Variants in ZNF606 observed in about 807,000 individuals in gnomAD.
The protein encoded by ZNF606 is zinc finger protein 606.
In ZNF606, 37 loss-of-function variants were observed where a neutral mutation model predicts 74.9. That is an observed-to-expected ratio of 0.49 (90% CI 0.38 to 0.65). ZNF606 has a LOEUF of 0.65. Among genes scored for constraint, ZNF606 ranks in the 30% least tolerant of loss-of-function variants. The probability of loss-of-function intolerance (pLI) is 0.00; values close to 1 mark genes in which losing one functional copy is unlikely to be tolerated. For missense variants in ZNF606, 852 were observed against 952.9 expected (o/e 0.89, Z 1.39); for synonymous variants, 328 against 312.4 (o/e 1.05, Z -0.53).
chr19:57,991,632 T>C (rs1162940080), intron 4 of ZNF606, among the ~76,000 whole-genome samples: 2 of 152,132 alleles, frequency 1.3e-5, no homozygotes, highest in South Asian at 4.1e-4. Flanking sequence ...GTACAAAAAT[T>C]AGCTGGGCAT....
intron 6 of ZNF606, among the ~76,000 whole-genome samples, chr19:57,980,766 C>T (rs2123268377): frequency 6.8e-6 from 1 of 146,252 alleles, no homozygotes; most frequent in South Asian, 2.1e-4. Flanking sequence ...ACCCGGGAGG[C>T]AGAGCTTGCA....
chr19:57,998,268 C>A (rs550821820), intron 4 of ZNF606: 5 of 151,950 alleles, frequency 3.3e-5, no homozygotes, highest in African/African-American at 1.2e-4. Context: ...AATACAGAGA[C>A]AACTCTAAAA....
rs2073029893 is a variant in ZNF606, at chr19:57,978,831, T to C, written c.1849A>G (p.Ile617Val). ...ERSALTKHEI[I>V]HSGIKPYECN... ...TCATAGGGCTTAATTCCAGAATGAA[T>C]TATCTCATGTTTAGTGAGGGCTGAG... Residue 617 changes from isoleucine (I) to valine (V), a missense_variant, in exon 7 of 7, where the codon ATT becomes GTT. Transcript: ENST00000551380. The surrounding 1 kb of genome is among the most constrained non-coding windows in gnomAD (Gnocchi z 4.4). The C allele has an allele frequency of 6.2e-7, 1 of 1,614,084 alleles. No individual in the cohort carries two copies. Among genetic ancestry groups the C allele is most frequent in the Non-Finnish European group, 8.5e-7 (1 of 1,180,046 alleles).
chr19:57,978,219 A>G lies in ZNF606; in HGVS notation c.*82T>C, dbSNP rs931620067. 1.4e-6 allele frequency: 2 copies of G among 1,380,398 alleles called. No individual in the cohort carries two copies. The highest frequency in any genetic ancestry group is 2.4e-5 in the East Asian group (1 of 41,938). 85.5% of individuals were successfully genotyped at this position (1,380,398 alleles called of 1,614,324 possible). ...AGAAGTCTTACTGAACTCTTAATGA[A>G]AAATGTCCCCTCTTGATTATGTTTA... On this transcript the variant is annotated 3_prime_UTR_variant, in exon 7 of 7. Coordinates refer to ENST00000551380, the MANE Select transcript of ZNF606 (RefSeq NM_001348022.3). This position sits in a 1 kb window ranked among gnomAD's most constrained non-coding sequence, Gnocchi z 4.4.
intron 4 of ZNF606, among the ~76,000 whole-genome samples, chr19:57,995,422 C>G (rs752877678): frequency 2.0e-5 from 3 of 151,848 alleles, no homozygotes; most frequent in South Asian, 4.1e-4. Flanking sequence ...CACTCGGCAG[C>G]GCAAAAGGAA....
chr19:57,985,622 T>C (rs2073151952), intron 6 of ZNF606, among the ~76,000 whole-genome samples: 1 of 152,082 alleles, frequency 6.6e-6, no homozygotes, highest in South Asian at 2.1e-4. Flanking sequence ...GAAGGCTACA[T>C]GCATACCCAT....
chr19:57,995,649 C>T (rs1332106347), intron 4 of ZNF606, among the ~76,000 whole-genome samples: 2 of 152,000 alleles, frequency 1.3e-5, no homozygotes, highest in South Asian at 2.1e-4. Context: ...CAAAACCCCA[C>T]CTCTACTAAA....
Position 57,987,554 on chromosome 19 carries a change from A to G in ZNF606, c.400+653T>C, listed in dbSNP as rs561188598. 3.4e-4 allele frequency among the ~76,000 whole-genome samples: 51 copies of G among 152,236 alleles called. No individual in the cohort carries two copies. In the South Asian group the frequency reaches 0.011, roughly 32 times the overall value. On this transcript the variant is annotated intron_variant, in intron 6 of 6. Transcript: ENST00000551380. The stretch of plus-strand genomic sequence containing the variant: ...GAAAGAACAAAAGCCCAAGCCGGGA[A>G]CGGTGGCTCATGCCTGTAATCCCAG...
At chr19:57,982,974 C>T (rs1326628865) in intron 6 of ZNF606, among the ~76,000 whole-genome samples, 1 of 142,314 alleles carries the variant, frequency 7.0e-6, no homozygotes, top group Non-Finnish European at 1.6e-5. Context: ...AGAGGTTCTA[C>T]TCTGCACAAC....
chr19:57,996,891 T>C (rs997736425), intron 4 of ZNF606, among the ~76,000 whole-genome samples: 13 of 152,196 alleles, frequency 8.5e-5, no homozygotes, highest in Admixed American at 6.5e-5. Flanking sequence ...AGCATTTATC[T>C]AGGCATTCTA....
chr19:57,989,333 A>AT (rs201603717), intron 4 of ZNF606, among the ~76,000 whole-genome samples: 33,765 of 149,062 alleles, frequency 0.23, 3,792 homozygotes, highest in Non-Finnish European at 0.24. Context: ...ATCTAAACTG[A>AT]TTTTTTTTTT....
intron 6 of ZNF606, among the ~76,000 whole-genome samples, chr19:57,987,150 T>G (rs1042645466): frequency 6.6e-6 from 1 of 152,130 alleles, no homozygotes; most frequent in Admixed American, 6.6e-5. Flanking sequence ...GATTTTATAG[T>G]AAAAGAAAAG....
upstream of ZNF606, chr19:58,002,996 G>T (rs1251788613): frequency 2.2e-6 from 1 of 454,562 alleles, no homozygotes; most frequent in Non-Finnish European, 4.4e-6. Context: ...TTGTTGTCCC[G>T]GTCCCAGACC....
chr19:57,978,023 T>C lies in ZNF606; in HGVS notation c.*278A>G, dbSNP rs563596465. 1 of 261,914 alleles carries C rather than the reference T, an allele frequency of 3.8e-6. No homozygotes were observed. Among genetic ancestry groups the C allele is most frequent in the South Asian group, 1.1e-4 (1 of 8,946 alleles). The allele number at this position is 261,914 out of a possible 1,614,324, so 16.2% of individuals were successfully genotyped here. A position where few individuals can be genotyped will look rare whatever the true frequency, so the allele number is the denominator to read the frequency against. ...CTAAAAGATGCCTCATTCCCCACAGTCATGGTCCTCAAGTATGAATTACTG... is the reference window on the plus strand; with the variant it reads ...CTAAAAGATGCCTCATTCCCCACAGCCATGGTCCTCAAGTATGAATTACTG... On this transcript the variant is annotated 3_prime_UTR_variant, in exon 7 of 7. Coordinates refer to ENST00000551380, the MANE Select transcript of ZNF606 (RefSeq NM_001348022.3). This position sits in a 1 kb window ranked among gnomAD's most constrained non-coding sequence, Gnocchi z 4.4.
At chr19:58,000,932 G>A (rs1467704234) in intron 2 of ZNF606, among the ~76,000 whole-genome samples, 193 bp from the exon 3 acceptor site, 1 of 152,100 alleles carries the variant, frequency 6.6e-6, no homozygotes, top group Non-Finnish European at 1.5e-5. Context: ...AATTAACACC[G>A]TTTTAAAATT....
chr19:57,995,236 T>C (rs1600225713), intron 4 of ZNF606, among the ~76,000 whole-genome samples: 1 of 143,428 alleles, frequency 7.0e-6, no homozygotes, highest in Middle Eastern at 3.9e-3. Flanking sequence ...CCAGGTACAA[T>C]TCTGCTTCTA....
At chr19:57,985,138 A>G (rs766820115) in intron 6 of ZNF606, among the ~76,000 whole-genome samples, 1 of 152,094 alleles carries the variant, frequency 6.6e-6, no homozygotes, top group South Asian at 2.1e-4. Context: ...ACACAAAAAA[A>G]CAAAATTAAC....
rs1231909758 is a variant in ZNF606, at chr19:58,002,756, C to A, written c.-412G>T. ...CCCAAGCCCCGCAGCTACGGCGGCC[C>A]CACAGCCTGAGCAAAGGCCTCACCT... On this transcript the variant is annotated 5_prime_UTR_variant, in exon 1 of 7. Coordinates refer to ENST00000551380, the MANE Select transcript of ZNF606 (RefSeq NM_001348022.3). The A allele has an allele frequency of 4.4e-6, 2 of 454,316 alleles. No homozygotes were observed. The highest frequency in any genetic ancestry group is 4.7e-5 in the Admixed American group (2 of 42,472). 28.1% of individuals were successfully genotyped at this position (454,316 alleles called of 1,614,324 possible).
intron 3 of ZNF606, chr19:58,000,124 A>G: frequency 1.8e-6 from 1 of 543,070 alleles, no homozygotes. Flanking sequence ...ATCTCTGAGA[A>G]GCAGTGTCTG....
Sources: gnomAD v4.1 joint callset for allele counts (sites outside exome capture counted in the v4.1 genomes callset) on GRCh38, gnomAD v4.1.1 for gene constraint, Gnocchi (gnomAD v3.1) non-coding constraint, MANE v1.5 for transcripts, NCBI Gene and HGNC (gene_info 2026-07-23, HGNC 2026-07-21) for gene names.